INTS6: variants seen among roughly 807,000 people sequenced by gnomAD.
INTS6 encodes the protein integrator complex subunit 6.
Under a neutral mutation model 104.9 loss-of-function variants are expected in INTS6, and 16 were observed. The ratio of observed to expected loss-of-function variants is 0.15; its 90% CI spans 0.10 to 0.23. The LOEUF is 0.23. Among genes scored for constraint, INTS6 ranks in the 10% least tolerant of loss-of-function variants. INTS6 has a pLI of 1.00. For missense variants in INTS6, 584 were observed against 1,062.8 expected, an observed-to-expected ratio of 0.55 and a Z score of 6.26; for synonymous variants, 324 against 358.7, an observed-to-expected ratio of 0.90 and a Z score of 1.09.
chr13:51,384,742 AC>A, intron 7 of INTS6: 1 of 455,940 alleles, frequency 2.2e-6, no homozygotes. Flanking sequence ...TAAGGCACTT[AC>A]CAGAACACAT....
At chr13:51,367,560 A>G (rs1955716652) in intron 17 of INTS6, among the ~76,000 whole-genome samples, 1 of 152,114 alleles carries the variant, frequency 6.6e-6, no homozygotes. Context: ...AATAACAAGA[A>G]TTCTCCAAGT....
chr13:51,425,602 A>G (rs972146737), intron 4 of INTS6, among the ~76,000 whole-genome samples: 1 of 152,104 alleles, frequency 6.6e-6, no homozygotes, highest in African/African-American at 2.4e-5. Context: ...CATCACTAAG[A>G]AAGTACTGGC....
intron 16 of INTS6, 148 bp downstream of exon 16, chr13:51,368,791 G>T: frequency 1.2e-6 from 1 of 813,328 alleles, no homozygotes; most frequent in Non-Finnish European, 1.9e-6. Context: ...TTGGTCAGAT[G>T]AATAAAGGAT....
chr13:51,452,442 G>A lies in INTS6; in HGVS notation c.84C>T (p.Ala28=), dbSNP rs1380884462. 4 of 1,611,396 alleles carry A rather than the reference G, an allele frequency of 2.5e-6. No homozygotes were observed. Among genetic ancestry groups the A allele is most frequent in the Admixed American group, 1.7e-5 (1 of 59,926 alleles). Residue 28 remains alanine (A), a synonymous_variant, in exon 1 of 18, where the codon GCC becomes GCT. Coordinates refer to ENST00000311234, the MANE Select transcript of INTS6 (RefSeq NM_012141.3). This position sits in a 1 kb window ranked among gnomAD's most constrained non-coding sequence, Gnocchi z 4.2. ...SHLGTTYLDT[A]KGAVETFMKL... ...TCATGAAGGTCTCTACCGCGCCTTT[G>A]GCCGTGTCCAGGTAGGTGGTGCCCA...
rs1955463154 is a variant in INTS6 at position 51,355,268 on chromosome 13, T to C, written n.431-932A>G. ...AAAGAATAAGAAAGGTGCTCTGTTTTATATAAGAATGTGTTGCTTCTAATA... is the reference window on the plus strand; with the variant it reads ...AAAGAATAAGAAAGGTGCTCTGTTTCATATAAGAATGTGTTGCTTCTAATA... On this transcript the variant is annotated intron_variant and non_coding_transcript_variant, in intron 3 of 3. Transcript: ENST00000476666. 5.6e-6 allele frequency: 3 copies of C among 534,662 alleles called. No homozygotes were observed. In the East Asian group the frequency reaches 1.0e-4, roughly 18 times the overall value. 33.1% of individuals were successfully genotyped at this position (534,662 alleles called of 1,614,324 possible).
At position 51,362,257 on chromosome 13, in the gene INTS6, AG is replaced by A; in HGVS notation, c.*3494del. 2.6e-6 allele frequency: 1 copy of A among 391,574 alleles called. No individual in the cohort carries two copies. The highest frequency in any genetic ancestry group is 4.4e-6 in the Non-Finnish European group (1 of 227,752). The allele number at this position is 391,574 out of a possible 1,614,324, so 24.3% of individuals were successfully genotyped here. The stretch of plus-strand genomic sequence containing the variant: ...TGTCCCCTAGCTTTCTTATCATTTT[AG>A]AGTTTTTTCAGGTCACTAGAGTACA... On this transcript the variant is annotated 3_prime_UTR_variant, in exon 18 of 18. Coordinates refer to ENST00000311234, the MANE Select transcript of INTS6 (RefSeq NM_012141.3).
At chr13:51,338,432 TG>T in the INTS6 span, among the ~76,000 whole-genome samples, 6 of 138,102 alleles carry the variant, frequency 4.3e-5, no homozygotes, top group Admixed American at 1.6e-4. Context: ...AGATATTTGT[TG>T]GATGGATGGA....
At chr13:51,428,547 G>T (rs950593039) in intron 4 of INTS6, among the ~76,000 whole-genome samples, 1 of 151,736 alleles carries the variant, frequency 6.6e-6, no homozygotes, top group African/African-American at 2.4e-5. Context: ...GGCTGGTCTT[G>T]AACTCCTGAT....
intron 6 of INTS6, among the ~76,000 whole-genome samples, chr13:51,388,792 T>A (rs1566217817): frequency 6.6e-6 from 1 of 152,348 alleles, no homozygotes; most frequent in African/African-American, 2.4e-5. Context: ...CACTGGCTAT[T>A]GGAAATAGTT....
At chr13:51,437,776 AG>A (rs1952718464) in intron 3 of INTS6, 1 of 152,252 alleles carries the variant, frequency 6.6e-6, no homozygotes. Flanking sequence ...TGGGAGGCTG[AG>A]GCAGAAGGAT....
downstream of INTS6, chr13:51,361,304 G>A: frequency 6.2e-7 from 1 of 1,609,962 alleles, no homozygotes; most frequent in Non-Finnish European, 8.5e-7. Context: ...TGTTTCTGAA[G>A]CAATCCACAA....
intron 3 of INTS6, chr13:51,446,860 A>C (rs1952930214): frequency 6.6e-6 from 1 of 152,214 alleles, no homozygotes; most frequent in East Asian, 1.9e-4. Flanking sequence ...ACAAATTCAT[A>C]AAAACAGAAA....
At chr13:51,443,761 T>A (rs1952841397) in intron 3 of INTS6, 2 of 151,336 alleles carry the variant, frequency 1.3e-5, no homozygotes, top group African/African-American at 4.9e-5. Context: ...AATTGTAGAG[T>A]ATAAATCTGA....
chr13:51,452,448 G>A lies in INTS6; in HGVS notation c.78C>T (p.Asp26=), dbSNP rs750004744. ...QRSHLGTTYL[D]TAKGAVETFM... The stretch of plus-strand genomic sequence containing the variant: ...AGGTCTCTACCGCGCCTTTGGCCGT[G>A]TCCAGGTAGGTGGTGCCCAGATGGC... Residue 26 remains aspartate (D), a synonymous_variant, in exon 1 of 18, where the codon GAC becomes GAT. Coordinates refer to ENST00000311234, the MANE Select transcript of INTS6 (RefSeq NM_012141.3). The surrounding 1 kb of genome is among the most constrained non-coding windows in gnomAD (Gnocchi z 4.2). 4.3e-6 allele frequency: 7 copies of A among 1,611,914 alleles called. No homozygotes were observed. Among genetic ancestry groups the A allele is most frequent in the Non-Finnish European group, 5.9e-6 (7 of 1,178,776 alleles).
In INTS6 at chr13:51,376,205, T is replaced by C. The variant is rs371112467; in HGVS notation, c.1603-31A>G. The C allele has an allele frequency of 7.8e-5, 122 of 1,563,426 alleles. 1 individual carries two copies. Among genetic ancestry groups the C allele is most frequent in the Non-Finnish European group, 1.0e-4 (118 of 1,151,994 alleles). On this transcript the variant is annotated intron_variant, in intron 12 of 17. Coordinates refer to ENST00000311234, the MANE Select transcript of INTS6 (RefSeq NM_012141.3). ...AAACAACATTCGAGGACAAAATTTATTGTCAAACATAGAATTACAAGAGAC... is the reference window on the plus strand; with the variant it reads ...AAACAACATTCGAGGACAAAATTTACTGTCAAACATAGAATTACAAGAGAC...
chr13:51,397,061 C>T (rs1325022689), intron 4 of INTS6, among the ~76,000 whole-genome samples: 1 of 152,064 alleles, frequency 6.6e-6, no homozygotes, highest in Admixed American at 6.5e-5. Context: ...TTATACAAAA[C>T]ATGCTTTAAA....
At chr13:51,390,379 ATAT>A (rs1056414183) in intron 5 of INTS6, among the ~76,000 whole-genome samples, 2 of 151,862 alleles carry the variant, frequency 1.3e-5, no homozygotes, top group African/African-American at 2.4e-5. Context: ...TAAATAAAAT[ATAT>A]TATTAAAATT....
At chr13:51,368,661 G>A (rs1195678939) in intron 16 of INTS6, among the ~76,000 whole-genome samples, 3 of 151,918 alleles carry the variant, frequency 2.0e-5, no homozygotes. Context: ...AAATTCCATC[G>A]TTGGTCAGAA....
chr13:51,447,394 G>GACC (rs1952939738), intron 3 of INTS6: 1 of 152,102 alleles, frequency 6.6e-6, no homozygotes, highest in Non-Finnish European at 1.5e-5. Context: ...TTACAAAATA[G>GACC]ACCTTTATGC....
Sources: allele counts gnomAD v4.1 joint callset (sites outside exome capture counted in the v4.1 genomes callset), GRCh38; gene constraint gnomAD v4.1.1; non-coding constraint Gnocchi (gnomAD v3.1); transcripts MANE v1.5; gene names NCBI Gene and HGNC (gene_info 2026-07-23, HGNC 2026-07-21).